ADCY2: variants seen among roughly 807,000 people sequenced by gnomAD.
The protein encoded by ADCY2 is adenylate cyclase type 2.
ADCY2 carries 31 observed loss-of-function variants against 125.2 expected under a neutral mutation model. The observed-to-expected ratio is 0.25, with a 90% CI of 0.19 to 0.33. The LOEUF (loss-of-function observed/expected upper bound fraction) is 0.33, where lower values mean the gene tolerates loss of function less well. ADCY2 is among the 10% of genes least tolerant of loss of function. The probability of loss-of-function intolerance (pLI) is 1.00; values close to 1 mark genes in which losing one functional copy is unlikely to be tolerated. For missense variants in ADCY2, 904 were observed against 1,418.2 expected (o/e 0.64, Z 5.82); for synonymous variants, 512 against 548.4 (o/e 0.93, Z 0.93).
intron 4 of ADCY2, among the ~76,000 whole-genome samples, chr5:7,647,982 G>A (rs1049579851): frequency 6.6e-6 from 1 of 152,182 alleles, no homozygotes; most frequent in Admixed American, 6.5e-5. Flanking sequence ...TGCCAAGAGG[G>A]ATTTAAATGC....
intron 3 of ADCY2, among the ~76,000 whole-genome samples, chr5:7,523,029 CTCACAGCACCT>C (rs1744515417): frequency 6.6e-6 from 1 of 152,140 alleles, no homozygotes; most frequent in Non-Finnish European, 1.5e-5. Context: ...CATGCCATGG[CTCACAGCACCT>C]TCACTATTTG....
intron 3 of ADCY2, among the ~76,000 whole-genome samples, chr5:7,557,192 GAT>G (rs914373523): frequency 1.2e-5 from 1 of 80,656 alleles, no homozygotes; most frequent in African/African-American, 3.5e-5. Context: ...TTATATATGT[GAT>G]ATATATAACT....
At chr5:7,753,172 C>T (rs1289842384) in intron 15 of ADCY2, among the ~76,000 whole-genome samples, 11 of 152,198 alleles carry the variant, frequency 7.2e-5, no homozygotes, top group African/African-American at 2.7e-4. Context: ...GCTGGGATTA[C>T]AGGCGTGAGC....
At chr5:7,699,333 G>A (rs1014579613) in intron 7 of ADCY2, among the ~76,000 whole-genome samples, 3 of 151,292 alleles carry the variant, frequency 2.0e-5, no homozygotes, top group South Asian at 2.1e-4. Context: ...TCCTGATCTC[G>A]TGATCCGCCC....
At chr5:7,746,454 A>T (rs1293477790) in intron 15 of ADCY2, 1 of 152,240 alleles carries the variant, frequency 6.6e-6, no homozygotes, top group Non-Finnish European at 1.5e-5. Context: ...AACATCAAAT[A>T]TATTGGTGTA....
intron 4 of ADCY2, among the ~76,000 whole-genome samples, chr5:7,663,319 A>T (rs1420093737): frequency 6.6e-6 from 1 of 152,244 alleles, no homozygotes; most frequent in Non-Finnish European, 1.5e-5. Context: ...TGAAAAGCAC[A>T]ATTCCAGGAA....
At chr5:7,609,616 G>A (rs966767714) in intron 3 of ADCY2, among the ~76,000 whole-genome samples, 4 of 152,144 alleles carry the variant, frequency 2.6e-5, no homozygotes, top group African/African-American at 9.7e-5. Flanking sequence ...TATAAAACAG[G>A]TGGGATCTTG....
chr5:7,560,451 G>A (rs1160237808), intron 3 of ADCY2, among the ~76,000 whole-genome samples: 6 of 152,118 alleles, frequency 3.9e-5, no homozygotes, highest in Non-Finnish European at 7.3e-5. Context: ...AAATTTTCTA[G>A]TGCAAGGGAG....
At chr5:7,598,008 A>T (rs1423043025) in intron 3 of ADCY2, among the ~76,000 whole-genome samples, 1 of 152,166 alleles carries the variant, frequency 6.6e-6, no homozygotes, top group Non-Finnish European at 1.5e-5. Flanking sequence ...TGCCCAGCAC[A>T]ACGTATACAT....
chr5:7,735,740 A>C (rs903645829), intron 14 of ADCY2, among the ~76,000 whole-genome samples: 42 of 152,186 alleles, frequency 2.8e-4, no homozygotes, highest in Non-Finnish European at 2.9e-5. Flanking sequence ...TATTTTGTTA[A>C]GGATTTTTGT....
At chr5:7,634,437 C>G (rs1448505593) in intron 4 of ADCY2, among the ~76,000 whole-genome samples, 2 of 152,114 alleles carry the variant, frequency 1.3e-5, no homozygotes, top group Non-Finnish European at 2.9e-5. Flanking sequence ...TAGAAAAGTC[C>G]TTTAATGTAC....
At chr5:7,613,641 A>C (rs1315971176) in intron 3 of ADCY2, among the ~76,000 whole-genome samples, 1 of 152,190 alleles carries the variant, frequency 6.6e-6, no homozygotes, top group Non-Finnish European at 1.5e-5. Flanking sequence ...GGCGTGACTG[A>C]CTGAATCATC....
At chr5:7,481,772 TTG>T (rs35724998) in intron 2 of ADCY2, among the ~76,000 whole-genome samples, 104,079 of 149,788 alleles carry the variant, frequency 0.69, 36,119 homozygotes, top group Middle Eastern at 0.77. Flanking sequence ...CCATGCTGAT[TTG>T]TGTGTGTGTG....
chr5:7,695,027 A>G (rs1299519345), intron 5 of ADCY2, among the ~76,000 whole-genome samples: 1 of 152,242 alleles, frequency 6.6e-6, no homozygotes. Context: ...CACTTTGTGA[A>G]TCTCAAACCA....
chr5:7,582,235 A>G (rs761467471), intron 3 of ADCY2, among the ~76,000 whole-genome samples: 7 of 152,198 alleles, frequency 4.6e-5, no homozygotes, highest in Non-Finnish European at 1.0e-4. Context: ...TATGGGCTTA[A>G]AATAATCCTT....
intron 13 of ADCY2, among the ~76,000 whole-genome samples, chr5:7,725,157 A>T (rs562150384): frequency 1.3e-5 from 2 of 152,220 alleles, no homozygotes; most frequent in African/African-American, 4.8e-5. Flanking sequence ...ATGTCAAGCT[A>T]TATATGGGTT....
At chr5:7,468,031 A>G (rs780260135) in intron 2 of ADCY2, among the ~76,000 whole-genome samples, 21 of 152,360 alleles carry the variant, frequency 1.4e-4, no homozygotes, top group Non-Finnish European at 2.4e-4. Flanking sequence ...TTTAAATATT[A>G]TAAAAATATC....
At position 7,804,574 on chromosome 5, in the gene ADCY2, T is replaced by C. The variant is rs145848767; in HGVS notation, c.2776-11T>C. The stretch of plus-strand genomic sequence containing the variant: ...CAGCTGAGTAACTGGACGGTTGTCA[T>C]TGCTTCACAGCTTCTTTCCAAGCCA... On this transcript the variant is annotated splice_polypyrimidine_tract_variant and intron_variant, in intron 21 of 24. Coordinates refer to ENST00000338316, the MANE Select transcript of ADCY2 (RefSeq NM_020546.3). 1.2e-4 allele frequency: 193 copies of C among 1,610,162 alleles called. 1 individual carries two copies. The East Asian group carries it at 4.0e-3, about 33-fold the overall frequency.
Position 7,396,518 on chromosome 5 carries a change from C to T in ADCY2, c.210+12C>T, listed in dbSNP as rs770567592. 3.2e-6 allele frequency: 5 copies of T among 1,553,314 alleles called. No individual in the cohort carries two copies. Among genetic ancestry groups the T allele is most frequent in the East Asian group, 2.6e-5 (1 of 38,114 alleles). On this transcript the variant is annotated intron_variant, in intron 1 of 24. Transcript: ENST00000338316. This position sits in a 1 kb window ranked among gnomAD's most constrained non-coding sequence, Gnocchi z 5.7. Reference sequence around the variant, plus strand: ...TCGCGCTCGGGCTGGTGAGTGGCCTCCCCGCGGGTCCAGCGCCGCGCCTTC... The same window carrying T: ...TCGCGCTCGGGCTGGTGAGTGGCCTTCCCGCGGGTCCAGCGCCGCGCCTTC...
Sources: gnomAD v4.1 joint callset for allele counts (sites outside exome capture counted in the v4.1 genomes callset) on GRCh38, gnomAD v4.1.1 for gene constraint, Gnocchi (gnomAD v3.1) non-coding constraint, MANE v1.5 for transcripts, NCBI Gene and HGNC (gene_info 2026-07-23, HGNC 2026-07-21) for gene names.